The following CAMSAP2 variants were observed in gnomAD, a reference collection of about 807,000 sequenced individuals.
CAMSAP2 encodes the protein calmodulin regulated spectrin associated protein family member 2.
In CAMSAP2, 26 loss-of-function variants were observed where a neutral mutation model predicts 146.1. The ratio of observed to expected loss-of-function variants is 0.18; its 90% CI spans 0.13 to 0.25. CAMSAP2 has a LOEUF of 0.25. Ranked by LOEUF, CAMSAP2 falls within the 10% of genes least tolerant of loss-of-function variation. CAMSAP2 has a pLI of 1.00. For missense variants in CAMSAP2, 1,381 were observed against 1,759.3 expected (o/e 0.78, Z 3.85); for synonymous variants, 499 against 596.6 (o/e 0.84, Z 2.38).
intron 1 of CAMSAP2, among the ~76,000 whole-genome samples, chr1:200,747,585 A>G (rs1427868088): frequency 6.7e-6 from 1 of 150,096 alleles, no homozygotes; most frequent in Non-Finnish European, 1.5e-5. Context: ...TGTTTCTGAA[A>G]AAGTCCTCAA....
chr1:200,806,461 T>C (rs906186554), intron 2 of CAMSAP2, among the ~76,000 whole-genome samples: 5 of 152,096 alleles, frequency 3.3e-5, no homozygotes, highest in African/African-American at 1.2e-4. Flanking sequence ...GCTGATAACG[T>C]TGGTGGGAGA....
intron 4 of CAMSAP2, among the ~76,000 whole-genome samples, chr1:200,815,892 T>C (rs1666469408): frequency 6.6e-6 from 1 of 152,212 alleles, no homozygotes; most frequent in South Asian, 2.1e-4. Flanking sequence ...TTGTCAAAAA[T>C]AACAGTTTGC....
At chr1:200,747,983 T>C (rs1450535330) in intron 1 of CAMSAP2, among the ~76,000 whole-genome samples, 1 of 124,960 alleles carries the variant, frequency 8.0e-6, no homozygotes, top group African/African-American at 3.3e-5. Context: ...CGAGACTCCG[T>C]CTCAAAAAAA....
chr1:200,842,468 A>C (rs1332326105), intron 7 of CAMSAP2, among the ~76,000 whole-genome samples: 1 of 152,232 alleles, frequency 6.6e-6, no homozygotes, highest in Non-Finnish European at 1.5e-5. Flanking sequence ...TAAACTATAA[A>C]AAGGTTTGTA....
intron 2 of CAMSAP2, among the ~76,000 whole-genome samples, chr1:200,761,721 G>A (rs1446052940): frequency 1.4e-5 from 2 of 143,556 alleles, no homozygotes; most frequent in Non-Finnish European, 3.0e-5. Context: ...GGCAACAAGA[G>A]CAAAACTCTG....
rs181969162 is a variant in CAMSAP2 at position 200,829,650 on chromosome 1, G to A, written c.646-2550G>A. Reference sequence around the variant, plus strand: ...AATTTAGAAATATACCATAATGGCCGGGTGCGGTGGCTCACGCGCATAATC... The same window carrying A: ...AATTTAGAAATATACCATAATGGCCAGGTGCGGTGGCTCACGCGCATAATC... On this transcript the variant is annotated intron_variant, in intron 4 of 16. Transcript: ENST00000358823. Among the ~76,000 whole-genome samples the A allele has an allele frequency of 1.4e-4, 22 of 151,922 alleles. No individual in the cohort carries two copies. The East Asian group carries it at 2.1e-3, about 15-fold the overall frequency.
intron 1 of CAMSAP2, among the ~76,000 whole-genome samples, chr1:200,753,731 C>G (rs1269978800): frequency 6.6e-6 from 1 of 152,204 alleles, no homozygotes; most frequent in African/African-American, 2.4e-5. Flanking sequence ...TTTCGTACTT[C>G]CCTTCTTCCC....
intron 6 of CAMSAP2, among the ~76,000 whole-genome samples, chr1:200,838,822 C>G: frequency 6.6e-6 from 1 of 152,132 alleles, no homozygotes; most frequent in South Asian, 2.1e-4. Flanking sequence ...TGAATCAGAG[C>G]AGTTATGATG....
At chr1:200,786,363 T>G (rs12086714) in intron 2 of CAMSAP2, among the ~76,000 whole-genome samples, 51 of 152,216 alleles carry the variant, frequency 3.4e-4, no homozygotes, top group African/African-American at 1.2e-3. Context: ...ATACAAGCAC[T>G]TAAAGCCATA....
intron 1 of CAMSAP2, among the ~76,000 whole-genome samples, chr1:200,747,215 G>A (rs1015843178): frequency 6.6e-6 from 1 of 152,110 alleles, no homozygotes; most frequent in Non-Finnish European, 1.5e-5. Flanking sequence ...CAGTCACTTT[G>A]AGGGAGCGTA....
At chr1:200,777,429 C>G (rs1448028169) in intron 2 of CAMSAP2, among the ~76,000 whole-genome samples, 3 of 152,090 alleles carry the variant, frequency 2.0e-5, no homozygotes, top group Non-Finnish European at 4.4e-5. Context: ...TGTGAATAAC[C>G]TCAAAAGAAA....
chr1:200,803,396 A>G (rs1666085497), intron 2 of CAMSAP2, among the ~76,000 whole-genome samples: 1 of 152,254 alleles, frequency 6.6e-6, no homozygotes, highest in Non-Finnish European at 1.5e-5. Context: ...CAAAAACAGT[A>G]TGTGACACTT....
Position 200,760,731 on chromosome 1 carries a change from T to A in CAMSAP2, c.140-108T>A. 4 of 816,782 alleles carry A rather than the reference T, an allele frequency of 4.9e-6. No individual in the cohort carries two copies. In the South Asian group the frequency reaches 7.2e-5, roughly 15 times the overall value. The allele number at this position is 816,782 out of a possible 1,614,324, so 50.6% of individuals were successfully genotyped here. A position where few individuals can be genotyped will look rare whatever the true frequency, so the allele number is the denominator to read the frequency against. ...TTCAGTTAAAGGGTTATTGCTATAT[T>A]TTTAGAGGGAATCTTAAATTCTATG... On this transcript the variant is annotated intron_variant, in intron 1 of 16. Transcript: ENST00000358823.
chr1:200,772,719 A>G (rs1255843725), intron 2 of CAMSAP2, among the ~76,000 whole-genome samples: 1 of 152,218 alleles, frequency 6.6e-6, no homozygotes, highest in Non-Finnish European at 1.5e-5. Flanking sequence ...ACTAAATACC[A>G]TACCCATGTT....
At chr1:200,777,154 C>T (rs1249036134) in intron 2 of CAMSAP2, among the ~76,000 whole-genome samples, 1 of 152,172 alleles carries the variant, frequency 6.6e-6, no homozygotes, top group Non-Finnish European at 1.5e-5. Context: ...AAGGCCATGA[C>T]TCAGTGCTGA....
At chr1:200,822,136 C>G (rs1666786187) in intron 4 of CAMSAP2, among the ~76,000 whole-genome samples, 1 of 121,028 alleles carries the variant, frequency 8.3e-6, no homozygotes, top group Non-Finnish European at 1.7e-5. Flanking sequence ...CTCTCTCTCG[C>G]TCTACACACA....
At chr1:200,766,356 G>C (rs886784327) in intron 2 of CAMSAP2, among the ~76,000 whole-genome samples, 8 of 151,952 alleles carry the variant, frequency 5.3e-5, no homozygotes, top group Admixed American at 4.6e-4. Context: ...TCCCTATGTT[G>C]CCCAGGCTGA....
At chr1:200,819,932 A>C (rs1240314620) in intron 4 of CAMSAP2, among the ~76,000 whole-genome samples, 1 of 152,206 alleles carries the variant, frequency 6.6e-6, no homozygotes, top group Non-Finnish European at 1.5e-5. Flanking sequence ...ACTAAGTCAC[A>C]AGTGAAGTCA....
intron 2 of CAMSAP2, among the ~76,000 whole-genome samples, chr1:200,788,361 G>A (rs1280024680): frequency 6.6e-6 from 1 of 152,164 alleles, no homozygotes; most frequent in Non-Finnish European, 1.5e-5. Context: ...AGGTTTTTAT[G>A]TGGACATAAG....
Sources: gnomAD v4.1 joint callset for allele counts (sites outside exome capture counted in the v4.1 genomes callset) on GRCh38, gnomAD v4.1.1 for gene constraint, MANE v1.5 for transcripts, NCBI Gene and HGNC (gene_info 2026-07-23, HGNC 2026-07-21) for gene names.